The following EFNA5 variants were observed in gnomAD, a reference collection of about 807,000 sequenced individuals.
EFNA5 encodes ephrin-A5.
EFNA5 carries 5 observed loss-of-function variants against 22.9 expected under a neutral mutation model. The observed-to-expected ratio is 0.22, with a 90% confidence interval of 0.11 to 0.46. The LOEUF (loss-of-function observed/expected upper bound fraction) is 0.46. Among genes scored for constraint, EFNA5 ranks in the 20% least tolerant of loss-of-function variants. The pLI is 0.99. For missense variants in EFNA5, 237 were observed against 293.3 expected (o/e 0.81, Z 1.40); for synonymous variants, 113 against 112.2 (o/e 1.01, Z -0.04).
intron 1 of EFNA5, among the ~76,000 whole-genome samples, chr5:107,564,187 A>G (rs1370819552): frequency 6.6e-6 from 1 of 152,080 alleles, no homozygotes; most frequent in Non-Finnish European, 1.5e-5. Flanking sequence ...GGGTCTATTT[A>G]CCCAAGTGTC....
intron 1 of EFNA5, among the ~76,000 whole-genome samples, chr5:107,570,732 T>A (rs1306637783): frequency 6.6e-6 from 1 of 151,964 alleles, no homozygotes; most frequent in East Asian, 1.9e-4. Context: ...TGAAAAAAAA[T>A]TAATGTTGGA....
At chr5:107,410,155 G>T (rs1343372959) in intron 2 of EFNA5, among the ~76,000 whole-genome samples, 1 of 150,686 alleles carries the variant, frequency 6.6e-6, no homozygotes, top group African/African-American at 2.4e-5. Flanking sequence ...AGCCTCCCAA[G>T]TAGCTGGGAC....
At chr5:107,427,112 C>G (rs765076388) in intron 2 of EFNA5, 105 bp downstream of exon 2, 3 of 1,206,976 alleles carry the variant, frequency 2.5e-6, no homozygotes, top group African/African-American at 3.0e-5. Context: ...AAGGAGATAT[C>G]TGTAATGCAG....
chr5:107,382,934 C>T (rs1427296316), intron 4 of EFNA5, among the ~76,000 whole-genome samples: 2 of 152,188 alleles, frequency 1.3e-5, no homozygotes, highest in African/African-American at 4.8e-5. Context: ...TTATTTTAAA[C>T]TCATTTGTAT....
rs1436166052 is a variant in EFNA5, at chr5:107,377,851, G to A, written c.*3404C>T. On this transcript the variant is annotated 3_prime_UTR_variant, in exon 5 of 5. Coordinates refer to ENST00000333274, the MANE Select transcript of EFNA5 (RefSeq NM_001962.3). ...CAAACCAACATGCTGGTGGAGAAGG[G>A]AGGGTGGGCCACAGGGCTCCAACAT... is the stretch of plus-strand genomic sequence containing the variant. 6.6e-6 allele frequency: 1 copy of A among 152,222 alleles called. No individual in the cohort carries two copies. The highest frequency in any genetic ancestry group is 1.5e-5 in the Non-Finnish European group (1 of 68,044). 9.4% of individuals were successfully genotyped at this position (152,222 alleles called of 1,614,324 possible).
At chr5:107,511,322 G>A (rs958550278) in intron 1 of EFNA5, among the ~76,000 whole-genome samples, 7 of 152,088 alleles carry the variant, frequency 4.6e-5, no homozygotes, top group Non-Finnish European at 8.8e-5. Context: ...CACTGCTCCC[G>A]GCACCATAGT....
At chr5:107,421,728 A>T (rs962029128) in intron 2 of EFNA5, among the ~76,000 whole-genome samples, 1 of 152,124 alleles carries the variant, frequency 6.6e-6, no homozygotes, top group African/African-American at 2.4e-5. Context: ...ATCTGTTTTT[A>T]AAAAATATAA....
chr5:107,456,966 G>A (rs1435983825), intron 1 of EFNA5, among the ~76,000 whole-genome samples: 1 of 151,948 alleles, frequency 6.6e-6, no homozygotes, highest in Non-Finnish European at 1.5e-5. Flanking sequence ...TTCCCTTCAC[G>A]CTTACTGTTG....
chr5:107,460,686 C>T (rs565018181), intron 1 of EFNA5, among the ~76,000 whole-genome samples: 41 of 152,124 alleles, frequency 2.7e-4, no homozygotes, highest in Non-Finnish European at 5.6e-4. Flanking sequence ...CTTCTGATAT[C>T]TTAACCAAAA....
At chr5:107,581,503 A>G (rs1399047315) in intron 1 of EFNA5, among the ~76,000 whole-genome samples, 1 of 152,220 alleles carries the variant, frequency 6.6e-6, no homozygotes, top group Non-Finnish European at 1.5e-5. Flanking sequence ...GGCCAGAATT[A>G]TACTTCAGTT....
chr5:107,450,395 C>G (rs989501648), intron 1 of EFNA5, among the ~76,000 whole-genome samples: 1 of 152,174 alleles, frequency 6.6e-6, no homozygotes, highest in African/African-American at 2.4e-5. Context: ...TTGTGAAATG[C>G]CTCCTGCCAT....
At chr5:107,382,501 T>C (rs183471423) in intron 4 of EFNA5, among the ~76,000 whole-genome samples, 1 of 152,230 alleles carries the variant, frequency 6.6e-6, no homozygotes, top group East Asian at 1.9e-4. Context: ...ACCTCCCGAG[T>C]AGCTGGGACT....
At chr5:107,527,698 T>A (rs77849461) in intron 1 of EFNA5, among the ~76,000 whole-genome samples, 4,540 of 152,280 alleles carry the variant, frequency 0.03, 188 homozygotes, top group African/African-American at 0.099. Context: ...ATTTTCCTTT[T>A]CAGAGTAGTC....
chr5:107,403,898 ACAAT>A (rs1037842677), intron 2 of EFNA5, among the ~76,000 whole-genome samples: 6 of 152,230 alleles, frequency 3.9e-5, no homozygotes, highest in African/African-American at 1.4e-4. Context: ...ATATGGAACA[ACAAT>A]CAAGCATGAG....
intron 1 of EFNA5, among the ~76,000 whole-genome samples, chr5:107,648,109 C>G (rs1395594299): frequency 6.6e-6 from 1 of 152,106 alleles, no homozygotes; most frequent in Admixed American, 6.6e-5. Context: ...ATCATTCTTG[C>G]AAAGAGAACT....
chr5:107,404,769 A>G (rs1009683928), intron 2 of EFNA5, among the ~76,000 whole-genome samples: 2 of 152,168 alleles, frequency 1.3e-5, no homozygotes, highest in African/African-American at 4.8e-5. Context: ...TTTGTTTCAT[A>G]ATTTCCCAGA....
chr5:107,396,888 C>T (rs569258010), intron 2 of EFNA5, among the ~76,000 whole-genome samples: 58 of 152,004 alleles, frequency 3.8e-4, no homozygotes, highest in African/African-American at 1.2e-3. Context: ...CTAGAGGGAC[C>T]GTAGGACAAG....
intron 1 of EFNA5, among the ~76,000 whole-genome samples, chr5:107,601,758 G>A (rs979749753): frequency 6.6e-5 from 10 of 151,946 alleles, no homozygotes; most frequent in Non-Finnish European, 1.2e-4. Context: ...CCTTTTGATC[G>A]TTACCTTTAC....
intron 1 of EFNA5, among the ~76,000 whole-genome samples, chr5:107,508,640 T>C (rs185624603): frequency 9.5e-4 from 144 of 152,324 alleles, no homozygotes; most frequent in African/African-American, 3.4e-3. Flanking sequence ...AGCCTTGATA[T>C]AACAATAATC....
Sources: gnomAD v4.1 joint callset for allele counts (sites outside exome capture counted in the v4.1 genomes callset) on GRCh38, gnomAD v4.1.1 for gene constraint, MANE v1.5 for transcripts, NCBI Gene and HGNC (gene_info 2026-07-23, HGNC 2026-07-21) for gene names.